CFAP95: variants seen among roughly 807,000 people sequenced by gnomAD.
CFAP95 encodes the protein cilia- and flagella-associated protein 95.
chr9:69,896,545 C>T, the CFAP95 span, among the ~76,000 whole-genome samples: 1 of 152,262 alleles, frequency 6.6e-6, no homozygotes, highest in African/African-American at 2.4e-5. Context: ...GAGTCTCATG[C>T]TCTGTTAATA....
At chr9:69,834,562 C>G in the CFAP95 span, among the ~76,000 whole-genome samples, 3 of 152,198 alleles carry the variant, frequency 2.0e-5, no homozygotes, top group African/African-American at 7.2e-5. Flanking sequence ...TAAACTGTTA[C>G]GATAGACAAA....
At chr9:69,820,884 A>G in the CFAP95 span, 1 of 1,614,010 alleles carries the variant, frequency 6.2e-7, no homozygotes, top group Non-Finnish European at 8.5e-7. Flanking sequence ...GCTCCCATGG[A>G]TAGCCTTGAC....
the CFAP95 span, among the ~76,000 whole-genome samples, chr9:69,841,164 TTATATATATATATATATATATA>T: frequency 7.1e-5 from 4 of 56,076 alleles, no homozygotes; most frequent in African/African-American, 1.2e-4. Context: ...CCAAGCTGGA[TTATATATATATATATATATATA>T]TATATATATA....
At chr9:69,841,305 A>T in the CFAP95 span, among the ~76,000 whole-genome samples, 1 of 150,970 alleles carries the variant, frequency 6.6e-6, no homozygotes, top group East Asian at 2.0e-4. Context: ...CTGAAATATC[A>T]CTGGTATGTT....
chr9:69,851,265 C>T, the CFAP95 span, among the ~76,000 whole-genome samples: 1 of 152,264 alleles, frequency 6.6e-6, no homozygotes, highest in East Asian at 1.9e-4. Context: ...TTTGCCTCCA[C>T]TGCCTATTTA....
the CFAP95 span, among the ~76,000 whole-genome samples, chr9:69,859,797 A>G: frequency 6.6e-6 from 1 of 152,250 alleles, no homozygotes; most frequent in Non-Finnish European, 1.5e-5. Flanking sequence ...CACTGAGGCT[A>G]GATGGTAAAA....
At chr9:69,850,085 TA>T in the CFAP95 span, among the ~76,000 whole-genome samples, 1 of 152,250 alleles carries the variant, frequency 6.6e-6, no homozygotes, top group Admixed American at 6.5e-5. Context: ...AGGCTGATAC[TA>T]AAGTGAGAGC....
the CFAP95 span, among the ~76,000 whole-genome samples, chr9:69,859,815 C>T: frequency 2.6e-5 from 4 of 152,176 alleles, no homozygotes; most frequent in Non-Finnish European, 5.9e-5. Flanking sequence ...AAATCCATTG[C>T]TCCTAGACTA....
the CFAP95 span, among the ~76,000 whole-genome samples, chr9:69,834,964 T>A: frequency 6.6e-6 from 1 of 152,266 alleles, no homozygotes; most frequent in African/African-American, 2.4e-5. Context: ...TAACACTGCC[T>A]TGGCATGTAA....
the CFAP95 span, among the ~76,000 whole-genome samples, chr9:69,901,650 C>A: frequency 7.9e-5 from 12 of 152,162 alleles, 1 homozygote; most frequent in Non-Finnish European, 1.3e-4. Flanking sequence ...CAGTAACATA[C>A]GTGTGCATGT....
At chr9:69,891,504 T>C in the CFAP95 span, among the ~76,000 whole-genome samples, 1 of 152,028 alleles carries the variant, frequency 6.6e-6, no homozygotes, top group East Asian at 1.9e-4. Flanking sequence ...ATTCTTCTTT[T>C]TTTTTTTTTG....
the CFAP95 span, among the ~76,000 whole-genome samples, chr9:69,822,159 T>C: frequency 6.6e-5 from 10 of 152,314 alleles, no homozygotes; most frequent in Admixed American, 2.6e-4. Flanking sequence ...TTTGGAGTGG[T>C]TGGAATATTT....
At chr9:69,838,772 G>A in the CFAP95 span, among the ~76,000 whole-genome samples, 2 of 130,402 alleles carry the variant, frequency 1.5e-5, no homozygotes, top group African/African-American at 5.7e-5. Context: ...ACACTATGTT[G>A]AATAGGAGTG....
chr9:69,844,456 C>A, the CFAP95 span: 2 of 1,003,146 alleles, frequency 2.0e-6, no homozygotes, highest in Non-Finnish European at 2.9e-6. Context: ...TTTTAAAAAT[C>A]TGAATGCAAT....
chr9:69,905,404 T>G, the CFAP95 span, among the ~76,000 whole-genome samples: 2 of 152,230 alleles, frequency 1.3e-5, no homozygotes, highest in African/African-American at 4.8e-5. Flanking sequence ...ATATCTTGTT[T>G]TATTACAATG....
chr9:69,852,339 A>G, the CFAP95 span, among the ~76,000 whole-genome samples: 1 of 152,264 alleles, frequency 6.6e-6, no homozygotes, highest in East Asian at 1.9e-4. Context: ...AGAACATGCA[A>G]ATTATTTGGG....
the CFAP95 span, among the ~76,000 whole-genome samples, chr9:69,876,527 T>C: frequency 6.6e-6 from 1 of 151,986 alleles, no homozygotes; most frequent in Non-Finnish European, 1.5e-5. Flanking sequence ...AGAGTGAGAT[T>C]TTGTCTAAAA....
At chr9:69,902,934 C>A in the CFAP95 span, among the ~76,000 whole-genome samples, 1 of 152,156 alleles carries the variant, frequency 6.6e-6, no homozygotes, top group Admixed American at 6.5e-5. Context: ...CATTTATTTC[C>A]TCTGATTCCA....
chr9:69,880,268 C>T, the CFAP95 span, among the ~76,000 whole-genome samples: 1 of 152,112 alleles, frequency 6.6e-6, no homozygotes, highest in Non-Finnish European at 1.5e-5. Flanking sequence ...ACCCATTCAC[C>T]ATCCCACCTC....
Sources: allele counts gnomAD v4.1 joint callset (sites outside exome capture counted in the v4.1 genomes callset), GRCh38; gene constraint gnomAD v4.1.1; transcripts MANE v1.5; gene names NCBI Gene and HGNC (gene_info 2026-07-23, HGNC 2026-07-21).